Variants in ARHGAP24 observed in about 807,000 individuals in gnomAD.
ARHGAP24 encodes the protein Rho GTPase activating protein 24.
In ARHGAP24, 50 loss-of-function variants were observed where a neutral mutation model predicts 76.4. That is an observed-to-expected ratio of 0.65 (90% CI 0.52 to 0.83). ARHGAP24 has a LOEUF of 0.83. Among genes scored for constraint, ARHGAP24 ranks in the 40% least tolerant of loss-of-function variants. ARHGAP24 has a pLI of 0.00. For missense variants in ARHGAP24, 930 were observed against 914.2 expected (o/e 1.02, Z -0.22); for synonymous variants, 345 against 323.3 (o/e 1.07, Z -0.72).
Position 85,995,460 on chromosome 4 carries a change from C to A in ARHGAP24, c.1806C>A (p.Ser602=). The A allele has an allele frequency of 6.2e-7, 1 of 1,605,638 alleles. No homozygotes were observed. The highest frequency in any genetic ancestry group is 8.5e-7 in the Non-Finnish European group (1 of 1,174,634). The change falls in exon 9 of 10, where the codon TCC becomes TCA. Residue 602 remains serine, a synonymous_variant. Transcript: ENST00000395184. ...VLDGPPQDDL[S]HPRDYESKSD... The stretch of plus-strand genomic sequence containing the variant: ...ATGGGCCCCCGCAGGACGACCTTTC[C>A]CACCCCAGGGACTATGAAAGCAAAA...
At chr4:85,802,872 T>C (rs192956771) in intron 3 of ARHGAP24, among the ~76,000 whole-genome samples, 1 of 152,234 alleles carries the variant, frequency 6.6e-6, no homozygotes, top group Non-Finnish European at 1.5e-5. Flanking sequence ...AAGTAGTTAA[T>C]ATCCAGTTTG....
At chr4:85,544,785 C>A (rs1725847214) in intron 1 of ARHGAP24, among the ~76,000 whole-genome samples, 1 of 152,054 alleles carries the variant, frequency 6.6e-6, no homozygotes, top group Non-Finnish European at 1.5e-5. Flanking sequence ...CCAGTTAGTC[C>A]TTACAATTGT....
intron 2 of ARHGAP24, among the ~76,000 whole-genome samples, chr4:85,576,799 G>A (rs1207720422): frequency 6.6e-6 from 1 of 152,036 alleles, no homozygotes; most frequent in African/African-American, 2.4e-5. Flanking sequence ...CCTCTACACA[G>A]CAATATAGGA....
intron 1 of ARHGAP24, among the ~76,000 whole-genome samples, chr4:85,531,939 T>C (rs535938864): frequency 1.1e-4 from 17 of 152,236 alleles, no homozygotes; most frequent in South Asian, 4.1e-4. Context: ...TAACACCTAG[T>C]AGAGTCCTCA....
At chr4:85,658,748 T>C (rs1722271917) in intron 2 of ARHGAP24, among the ~76,000 whole-genome samples, 3 of 152,048 alleles carry the variant, frequency 2.0e-5, no homozygotes, top group Admixed American at 2.0e-4. Context: ...ACTTTTAGAG[T>C]AGTTTATAAT....
At chr4:85,866,531 T>C (rs1732211101) in intron 3 of ARHGAP24, among the ~76,000 whole-genome samples, 1 of 152,116 alleles carries the variant, frequency 6.6e-6, no homozygotes, top group Non-Finnish European at 1.5e-5. Flanking sequence ...CTTTTGCTGC[T>C]GGTTGTCAAG....
At chr4:85,654,333 C>G (rs1247954211) in intron 2 of ARHGAP24, among the ~76,000 whole-genome samples, 3 of 152,136 alleles carry the variant, frequency 2.0e-5, no homozygotes, top group Non-Finnish European at 4.4e-5. Context: ...CCTTATGACT[C>G]TATGCAACCT....
intron 4 of ARHGAP24, among the ~76,000 whole-genome samples, chr4:85,938,584 C>T (rs1399160520): frequency 6.6e-6 from 1 of 152,144 alleles, no homozygotes; most frequent in African/African-American, 2.4e-5. Flanking sequence ...GTTTGGCACA[C>T]TCTATTTCCA....
intron 2 of ARHGAP24, among the ~76,000 whole-genome samples, chr4:85,627,943 G>C (rs1327338745): frequency 6.6e-6 from 1 of 152,138 alleles, no homozygotes; most frequent in East Asian, 1.9e-4. Flanking sequence ...GTATTAGGGT[G>C]GGAGTGACCC....
chr4:85,732,484 A>G (rs896497321), intron 3 of ARHGAP24, among the ~76,000 whole-genome samples: 1 of 152,100 alleles, frequency 6.6e-6, no homozygotes, highest in African/African-American at 2.4e-5. Context: ...TTTTTAATAG[A>G]AAACTGAGAT....
intron 2 of ARHGAP24, among the ~76,000 whole-genome samples, chr4:85,673,070 T>C (rs1200560958): frequency 5.3e-5 from 8 of 152,192 alleles, no homozygotes; most frequent in Non-Finnish European, 1.0e-4. Flanking sequence ...ATGGCTTTGA[T>C]AGATCGAGCT....
At chr4:85,568,665 C>T (rs999632946) in intron 1 of ARHGAP24, among the ~76,000 whole-genome samples, 5 of 152,098 alleles carry the variant, frequency 3.3e-5, no homozygotes, top group Non-Finnish European at 5.9e-5. Context: ...GGGCACACAC[C>T]TGAGGGGAGA....
intron 2 of ARHGAP24, among the ~76,000 whole-genome samples, chr4:85,578,014 T>G (rs1420179116): frequency 6.6e-6 from 1 of 152,232 alleles, no homozygotes; most frequent in Admixed American, 6.5e-5. Flanking sequence ...GATTTTATCT[T>G]GGGACCTTAC....
chr4:85,527,035 C>A (rs753787755), intron 1 of ARHGAP24, among the ~76,000 whole-genome samples: 1 of 152,092 alleles, frequency 6.6e-6, no homozygotes, highest in African/African-American at 2.4e-5. Flanking sequence ...ATATCCTGCA[C>A]GCTTGATTCT....
intron 1 of ARHGAP24, among the ~76,000 whole-genome samples, chr4:85,531,420 T>C (rs1725254969): frequency 6.6e-6 from 1 of 152,006 alleles, no homozygotes; most frequent in South Asian, 2.1e-4. Flanking sequence ...ACATATTGAG[T>C]GTGTGGAAGA....
At chr4:85,876,465 G>A (rs899721596) in intron 3 of ARHGAP24, among the ~76,000 whole-genome samples, 1 of 152,036 alleles carries the variant, frequency 6.6e-6, no homozygotes, top group African/African-American at 2.4e-5. Flanking sequence ...TATCCAATAA[G>A]CTCAAAGCTC....
chr4:85,755,641 G>GTTTTTTTT lies in ARHGAP24; in HGVS notation c.268+33673_268+33674insTTTTTTTT, dbSNP rs147557214. ...CTATTCTTTTGTTTTGTTTTGTTTT[G>GTTTTTTTT]TTTTGTTTTGAGACGGAGTCTCGTT... On this transcript the variant is annotated intron_variant, in intron 3 of 9. Coordinates refer to ENST00000395184, the MANE Select transcript of ARHGAP24 (RefSeq NM_001025616.3). 3.5e-5 allele frequency among the ~76,000 whole-genome samples: 4 copies of GTTTTTTTT among 113,324 alleles called. 1 individual carries two copies. The highest frequency in any genetic ancestry group is 5.4e-5 in the Non-Finnish European group (3 of 55,838). 74.3% of individuals were successfully genotyped at this position (113,324 alleles called of 152,430 possible). A position where few individuals can be genotyped will look rare whatever the true frequency, so the allele number is the denominator to read the frequency against.
chr4:85,911,073 A>T (rs1355043858), intron 3 of ARHGAP24, among the ~76,000 whole-genome samples: 1 of 152,190 alleles, frequency 6.6e-6, no homozygotes, highest in African/African-American at 2.4e-5. Flanking sequence ...CTGGGTCCTC[A>T]AGAGTACAGG....
At position 85,732,006 on chromosome 4, in the gene ARHGAP24, A is replaced by T. The variant is rs183592277; in HGVS notation, c.268+10034A>T. ...TACAAAGAAGTTATTTGCTGAAATA[A>T]ATGTGATCTTTCCCATTGTTCTTTG... On this transcript the variant is annotated intron_variant, in intron 3 of 9. Transcript: ENST00000395184. Among the ~76,000 whole-genome samples, 39 of 152,330 alleles carry T rather than the reference A, an allele frequency of 2.6e-4. No homozygotes were observed. In the East Asian group the frequency reaches 6.7e-3, roughly 26 times the overall value.
Sources: allele counts gnomAD v4.1 joint callset (sites outside exome capture counted in the v4.1 genomes callset), GRCh38; gene constraint gnomAD v4.1.1; transcripts MANE v1.5; gene names NCBI Gene and HGNC (gene_info 2026-07-23, HGNC 2026-07-21).